DOCK1: variants seen among roughly 807,000 people sequenced by gnomAD.
DOCK1 encodes the protein dedicator of cytokinesis protein 1.
Under a neutral mutation model 262.7 loss-of-function variants are expected in DOCK1, and 138 were observed. The observed-to-expected ratio is 0.53, with a 90% CI of 0.46 to 0.61. The LOEUF is 0.61. Ranked by LOEUF, DOCK1 falls within the 20% of genes least tolerant of loss-of-function variation. The pLI is 0.00. For synonymous variants in DOCK1, 866 were observed against 867.4 expected, an observed-to-expected ratio of 1.00 and a Z score of 0.03; for missense variants, 1,908 against 2,370.7, an observed-to-expected ratio of 0.80 and a Z score of 4.05.
At chr10:127,444,419 A>G in intron 50 of DOCK1, 140 bp downstream of exon 50, 1 of 1,157,940 alleles carries the variant, frequency 8.6e-7, no homozygotes, top group South Asian at 1.6e-5. Flanking sequence ...GCTCCCTGGG[A>G]GTGTCCCCTG....
chr10:126,985,315 CT>C (rs2039301937), intron 4 of DOCK1, among the ~76,000 whole-genome samples: 1 of 152,188 alleles, frequency 6.6e-6, no homozygotes, highest in South Asian at 2.1e-4. Context: ...CCTTGATGCA[CT>C]TTCCCTCAGT....
intron 29 of DOCK1, among the ~76,000 whole-genome samples, chr10:127,325,363 T>G (rs1213800788): frequency 6.6e-6 from 1 of 152,198 alleles, no homozygotes; most frequent in Non-Finnish European, 1.5e-5. Flanking sequence ...GTCTTTCGTT[T>G]TGCTAACTGT....
intron 49 of DOCK1, among the ~76,000 whole-genome samples, chr10:127,440,386 A>G (rs1201124721): frequency 6.6e-6 from 1 of 152,160 alleles, no homozygotes; most frequent in Non-Finnish European, 1.5e-5. Context: ...TCTGAGTGCG[A>G]AGATGAGGCA....
chr10:127,225,968 C>A (rs2058620228), intron 27 of DOCK1, among the ~76,000 whole-genome samples: 2 of 151,302 alleles, frequency 1.3e-5, no homozygotes, highest in Non-Finnish European at 2.9e-5. Context: ...ATCCCAGCTA[C>A]TTGGGAGGCT....
intron 37 of DOCK1, among the ~76,000 whole-genome samples, chr10:127,383,391 A>G (rs555477393): frequency 6.6e-6 from 1 of 152,348 alleles, no homozygotes; most frequent in East Asian, 1.9e-4. Context: ...TTCAGAATCT[A>G]GTTTTGCTTT....
chr10:127,279,678 C>T (rs941312753), intron 29 of DOCK1, among the ~76,000 whole-genome samples: 6 of 152,176 alleles, frequency 3.9e-5, no homozygotes, highest in African/African-American at 1.2e-4. Context: ...GGAAAACCAG[C>T]ACAGAACAAA....
At chr10:127,127,866 C>G in intron 27 of DOCK1, 102 bp downstream of exon 27, 1 of 929,890 alleles carries the variant, frequency 1.1e-6, no homozygotes, top group Middle Eastern at 2.5e-4. Context: ...ATGTAGTGAG[C>G]AGTTGAGATA....
chr10:126,919,971 G>T (rs868295992), intron 1 of DOCK1, among the ~76,000 whole-genome samples: 1 of 152,136 alleles, frequency 6.6e-6, no homozygotes, highest in Non-Finnish European at 1.5e-5. Flanking sequence ...CTTGGAGGGG[G>T]CACCACTTCC....
chr10:126,913,941 C>T (rs956401854), intron 1 of DOCK1, among the ~76,000 whole-genome samples: 2 of 152,090 alleles, frequency 1.3e-5, no homozygotes, highest in African/African-American at 4.8e-5. Context: ...GTGATAACAC[C>T]AACCTCTTTG....
At chr10:127,381,462 C>A in intron 37 of DOCK1, 94 bp downstream of exon 37, 1 of 1,129,532 alleles carries the variant, frequency 8.9e-7, no homozygotes, top group South Asian at 1.7e-5. Context: ...TTTAGTAGGC[C>A]TATAACTTAA....
intron 29 of DOCK1, among the ~76,000 whole-genome samples, chr10:127,288,314 AC>A (rs1338098918): frequency 1.3e-5 from 2 of 152,136 alleles, no homozygotes; most frequent in Non-Finnish European, 2.9e-5. Flanking sequence ...TTGATCTTTT[AC>A]ATTTTCCATC....
intron 23 of DOCK1, among the ~76,000 whole-genome samples, chr10:127,090,387 C>T (rs764172709): frequency 6.6e-5 from 10 of 151,990 alleles, no homozygotes; most frequent in Non-Finnish European, 1.5e-4. Context: ...GAGTGACAGA[C>T]GGTGACTTGC....
At chr10:127,372,709 A>G (rs1196004708) in intron 33 of DOCK1, among the ~76,000 whole-genome samples, 1 of 152,234 alleles carries the variant, frequency 6.6e-6, no homozygotes, top group Non-Finnish European at 1.5e-5. Flanking sequence ...TGCCTGAGAA[A>G]GTAGGTGATT....
intron 1 of DOCK1, among the ~76,000 whole-genome samples, chr10:126,942,946 T>A (rs1407496640): frequency 1.2e-4 from 19 of 152,206 alleles, no homozygotes; most frequent in African/African-American, 4.6e-4. Context: ...CTTGTTCATC[T>A]AGAAATGATC....
chr10:127,024,825 GA>G (rs2042714540), intron 15 of DOCK1, 42 bp downstream of exon 15: 16 of 1,503,104 alleles, frequency 1.1e-5, no homozygotes, highest in Non-Finnish European at 1.3e-5. Flanking sequence ...CGCTGATTAT[GA>G]AATGCTCATT....
At chr10:127,226,853 C>T (rs1352118789) in intron 27 of DOCK1, among the ~76,000 whole-genome samples, 3 of 152,174 alleles carry the variant, frequency 2.0e-5, no homozygotes, top group Non-Finnish European at 4.4e-5. Flanking sequence ...TTCTCCCGCT[C>T]CCATCCCCAC....
intron 1 of DOCK1, among the ~76,000 whole-genome samples, chr10:126,945,472 G>GAGA (rs2035326432): frequency 4.3e-4 from 65 of 149,442 alleles, no homozygotes; most frequent in African/African-American, 1.6e-3. Context: ...AGAGAGAGAG[G>GAGA]GAGAGAGAGA....
intron 27 of DOCK1, among the ~76,000 whole-genome samples, chr10:127,134,907 T>G (rs2050559026): frequency 6.6e-6 from 1 of 152,052 alleles, no homozygotes; most frequent in Non-Finnish European, 1.5e-5. Context: ...GCAGATGGGT[T>G]AGTATTAGGC....
intron 42 of DOCK1, 34 bp downstream of exon 42, chr10:127,409,425 G>C: frequency 1.2e-6 from 2 of 1,603,412 alleles, no homozygotes; most frequent in Non-Finnish European, 1.7e-6. Context: ...CAACGTGAGG[G>C]TTGTAAGAGG....
Sources: gnomAD v4.1 joint callset for allele counts (sites outside exome capture counted in the v4.1 genomes callset) on GRCh38, gnomAD v4.1.1 for gene constraint, MANE v1.5 for transcripts, NCBI Gene and HGNC (gene_info 2026-07-23, HGNC 2026-07-21) for gene names.